Variants in CDKAL1 observed in about 807,000 individuals in gnomAD.
CDKAL1 encodes the protein CDKAL1 threonylcarbamoyladenosine tRNA methylthiotransferase, also known as threonylcarbamoyladenosine tRNA methylthiotransferase.
A neutral mutation model predicts 68.2 loss-of-function variants in CDKAL1; 32 were observed. That is an observed-to-expected ratio of 0.47 (90% confidence interval 0.35 to 0.63). CDKAL1 has a LOEUF of 0.63. Among genes scored for constraint, CDKAL1 ranks in the 30% least tolerant of loss-of-function variants. CDKAL1 has a pLI of 0.00. For synonymous variants in CDKAL1, 234 were observed against 244.3 expected, an observed-to-expected ratio of 0.96 and a Z score of 0.39; for missense variants, 606 against 696.7, an observed-to-expected ratio of 0.87 and a Z score of 1.47.
intron 7 of CDKAL1, among the ~76,000 whole-genome samples, chr6:20,758,846 T>C (rs923352727): frequency 6.6e-6 from 1 of 152,198 alleles, no homozygotes; most frequent in Non-Finnish European, 1.5e-5. Context: ...GGCTTATAAA[T>C]GAATCAGGCA....
At chr6:20,985,610 A>G (rs1333331783) in intron 10 of CDKAL1, among the ~76,000 whole-genome samples, 2 of 152,124 alleles carry the variant, frequency 1.3e-5, no homozygotes, top group African/African-American at 2.4e-5. Flanking sequence ...CCATGTTCTT[A>G]AGACCTAAAG....
intron 4 of CDKAL1, among the ~76,000 whole-genome samples, chr6:20,553,122 T>C (rs911463983): frequency 3.3e-5 from 5 of 152,258 alleles, no homozygotes; most frequent in African/African-American, 1.2e-4. Context: ...TAGTCATAGA[T>C]ATTTTTATCA....
At chr6:21,157,451 G>A (rs192895060) in intron 13 of CDKAL1, among the ~76,000 whole-genome samples, 2 of 152,206 alleles carry the variant, frequency 1.3e-5, no homozygotes, top group Admixed American at 6.5e-5. Context: ...AACAAAAAAC[G>A]AAAGATTGTC....
chr6:20,585,057 CTTT>C (rs11385529), intron 4 of CDKAL1, among the ~76,000 whole-genome samples: 2 of 131,646 alleles, frequency 1.5e-5, no homozygotes, highest in Non-Finnish European at 1.6e-5. Context: ...AATCTTGTTT[CTTT>C]TTTTTTTTTT....
chr6:20,936,463 G>A (rs1026057085), intron 9 of CDKAL1, among the ~76,000 whole-genome samples: 1 of 150,688 alleles, frequency 6.6e-6, no homozygotes, highest in African/African-American at 2.4e-5. Flanking sequence ...TTTTAGCCGG[G>A]ATGGTCTCGA....
At chr6:20,774,377 G>C (rs1042293106) in intron 7 of CDKAL1, among the ~76,000 whole-genome samples, 2 of 152,138 alleles carry the variant, frequency 1.3e-5, no homozygotes, top group Non-Finnish European at 2.9e-5. Flanking sequence ...GATATATTTT[G>C]TAGCTAGTTA....
chr6:20,659,337 T>G (rs1015478102), intron 5 of CDKAL1, among the ~76,000 whole-genome samples: 1 of 152,172 alleles, frequency 6.6e-6, no homozygotes, highest in African/African-American at 2.4e-5. Flanking sequence ...TGGCTATAGT[T>G]TAGTATCAGT....
chr6:20,940,517 G>A (rs190429731), intron 9 of CDKAL1, among the ~76,000 whole-genome samples: 146 of 152,158 alleles, frequency 9.6e-4, no homozygotes, highest in Non-Finnish European at 1.6e-3. Context: ...ACTTTAACTC[G>A]TTATATCCAA....
At chr6:21,051,220 G>A (rs944334871) in intron 11 of CDKAL1, among the ~76,000 whole-genome samples, 2 of 151,734 alleles carry the variant, frequency 1.3e-5, no homozygotes, top group Non-Finnish European at 2.9e-5. Flanking sequence ...AGCCAGATGT[G>A]GTGGTGCACA....
rs1269625242 is a variant in CDKAL1 at position 20,865,038 on chromosome 6, A to G, written c.742+18860A>G. Among the ~76,000 whole-genome samples the G allele has an allele frequency of 2.0e-5, 3 of 152,066 alleles. No homozygotes were observed. The East Asian group carries it at 5.8e-4, about 29-fold the overall frequency. On this transcript the variant is annotated intron_variant, in intron 9 of 15. Transcript: ENST00000274695. ...AATTTTCTAAAGTGTGTATCAAATA[A>G]TTTTCCTTGCACTTTTACATCTAGC...
intron 4 of CDKAL1, among the ~76,000 whole-genome samples, chr6:20,572,892 G>T (rs1764761962): frequency 6.6e-6 from 1 of 151,968 alleles, no homozygotes; most frequent in Non-Finnish European, 1.5e-5. Flanking sequence ...AAAAAAACTA[G>T]GCCCAGATAT....
chr6:21,222,242 T>C (rs531527610), intron 15 of CDKAL1, among the ~76,000 whole-genome samples: 43 of 152,326 alleles, frequency 2.8e-4, no homozygotes, highest in African/African-American at 1.0e-3. Flanking sequence ...TTGTTCATGA[T>C]TGTAATGACC....
intron 10 of CDKAL1, among the ~76,000 whole-genome samples, chr6:20,984,166 A>G (rs190304725): frequency 3.3e-5 from 5 of 152,326 alleles, no homozygotes; most frequent in African/African-American, 7.2e-5. Context: ...TACTGTTGCT[A>G]TTTATGCTAC....
intron 11 of CDKAL1, among the ~76,000 whole-genome samples, chr6:21,063,556 G>A (rs1771258652): frequency 6.6e-6 from 1 of 152,152 alleles, no homozygotes; most frequent in Admixed American, 6.5e-5. Context: ...AACCGTGAAT[G>A]AGAGTAATCA....
intron 4 of CDKAL1, among the ~76,000 whole-genome samples, chr6:20,567,700 T>G (rs1764516096): frequency 6.6e-6 from 1 of 151,978 alleles, no homozygotes; most frequent in South Asian, 2.1e-4. Context: ...CTCAGCTTTT[T>G]AATTAATTAA....
In CDKAL1 at chr6:20,917,042, A is replaced by G. The variant is rs1290491374; in HGVS notation, c.743-38377A>G. ...GTTGCCCAGGCTGAAGTGCAATGGC[A>G]TGGTCTTGGCTCACTGCAACCTTCA... On this transcript the variant is annotated intron_variant, in intron 9 of 15. Transcript: ENST00000274695. Among the ~76,000 whole-genome samples the G allele has an allele frequency of 7.2e-5, 11 of 152,268 alleles. No individual in the cohort carries two copies. The East Asian group carries it at 2.1e-3, about 29-fold the overall frequency.
At chr6:20,775,178 G>A (rs1408406324) in intron 7 of CDKAL1, among the ~76,000 whole-genome samples, 2 of 151,846 alleles carry the variant, frequency 1.3e-5, no homozygotes, top group East Asian at 1.9e-4. Flanking sequence ...CCATCTCCTC[G>A]GTGGCCTCAT....
rs534190797 is a variant in CDKAL1 at position 20,585,212 on chromosome 6, A to ACGCC, written c.286+36507_286+36508insCGCC. On this transcript the variant is annotated intron_variant, in intron 4 of 15. Coordinates refer to ENST00000274695, the MANE Select transcript of CDKAL1 (RefSeq NM_017774.3). ...GCTGGGACTACAGGCGCCCACCACC[A>ACGCC]TGCTAATTTTTTTTTATTTTTAGTA... 5.3e-5 allele frequency among the ~76,000 whole-genome samples: 8 copies of ACGCC among 151,668 alleles called. No individual in the cohort carries two copies. The South Asian group carries it at 1.7e-3, about 32-fold the overall frequency.
At chr6:21,032,006 A>G (rs1478839719) in intron 11 of CDKAL1, among the ~76,000 whole-genome samples, 2 of 152,110 alleles carry the variant, frequency 1.3e-5, no homozygotes, top group African/African-American at 2.4e-5. Flanking sequence ...ATATAGACAC[A>G]GTATCCATGC....
Sources: gnomAD v4.1 joint callset for allele counts (sites outside exome capture counted in the v4.1 genomes callset) on GRCh38, gnomAD v4.1.1 for gene constraint, MANE v1.5 for transcripts, NCBI Gene and HGNC (gene_info 2026-07-23, HGNC 2026-07-21) for gene names.